Variants in NBAS observed in about 807,000 individuals in gnomAD.
NBAS encodes the protein NAG/BC035112 fusion.
NBAS carries 219 observed loss-of-function variants against 302.5 expected under a neutral mutation model. The ratio of observed to expected loss-of-function variants is 0.72; its 90% confidence interval spans 0.65 to 0.81. NBAS has a LOEUF of 0.81. Ranked by LOEUF, NBAS falls within the 30% of genes least tolerant of loss-of-function variation. The probability of loss-of-function intolerance (pLI) is 0.00; values close to 1 mark genes in which losing one functional copy is unlikely to be tolerated. For missense variants in NBAS, 2,932 were observed against 2,841.6 expected, an observed-to-expected ratio of 1.03 and a Z score of -0.72; for synonymous variants, 1,118 against 1,021.6, an observed-to-expected ratio of 1.09 and a Z score of -1.80.
chr2:14,830,777 G>A, the NBAS span, among the ~76,000 whole-genome samples: 5 of 152,158 alleles, frequency 3.3e-5, no homozygotes, highest in African/African-American at 7.2e-5. Context: ...CCTGCTTGTT[G>A]AGCAGAGCAA....
intron 42 of NBAS, among the ~76,000 whole-genome samples, chr2:15,283,189 T>C (rs548323350): frequency 7.2e-5 from 11 of 152,328 alleles, no homozygotes; most frequent in East Asian, 5.8e-4. Context: ...GTGGTACTAT[T>C]ATATCAGCCA....
chr2:14,885,104 GA>G, the NBAS span, among the ~76,000 whole-genome samples: 1 of 152,188 alleles, frequency 6.6e-6, no homozygotes, highest in Non-Finnish European at 1.5e-5. Flanking sequence ...GACTCTTAAA[GA>G]TGGAAATAAC....
intron 11 of NBAS, 133 bp downstream of exon 11, chr2:15,504,012 T>C: frequency 1.5e-5 from 11 of 737,224 alleles, no homozygotes; most frequent in Non-Finnish European, 2.0e-5. Flanking sequence ...CTAATGCATA[T>C]AGCCACATAG....
the NBAS span, among the ~76,000 whole-genome samples, chr2:15,093,051 C>T: frequency 3.9e-5 from 6 of 152,142 alleles, no homozygotes; most frequent in Admixed American, 2.0e-4. Flanking sequence ...CAAGGGCCTC[C>T]GTGAGCCTGC....
the NBAS span, among the ~76,000 whole-genome samples, chr2:14,898,107 G>A: frequency 6.6e-6 from 1 of 152,122 alleles, no homozygotes; most frequent in Non-Finnish European, 1.5e-5. Flanking sequence ...CCGCTAACTT[G>A]GACAATTTAA....
intron 32 of NBAS, among the ~76,000 whole-genome samples, chr2:15,357,719 C>A (rs754904939): frequency 1.3e-5 from 2 of 152,126 alleles, no homozygotes; most frequent in South Asian, 4.1e-4. Flanking sequence ...ATGAAAAATA[C>A]AATTTACAAT....
rs969265296 is a variant in NBAS at position 15,275,377 on chromosome 2, T to G, written c.5724+107A>C. 3.9e-6 allele frequency: 5 copies of G among 1,282,162 alleles called. No individual in the cohort carries two copies. The South Asian group carries it at 4.3e-5, about 11-fold the overall frequency. The allele number at this position is 1,282,162 out of a possible 1,614,324, so 79.4% of individuals were successfully genotyped here. Reference sequence around the variant, plus strand: ...ACAAAAACTTTTTAAAAAGCCAACATGTAATTATTTTCAAGAAAGGAAACA... The same window carrying G: ...ACAAAAACTTTTTAAAAAGCCAACAGGTAATTATTTTCAAGAAAGGAAACA... On this transcript the variant is annotated intron_variant, in intron 44 of 51. Transcript: ENST00000281513.
chr2:14,807,397 C>T, the NBAS span, among the ~76,000 whole-genome samples: 1 of 151,402 alleles, frequency 6.6e-6, no homozygotes, highest in South Asian at 2.1e-4. Flanking sequence ...TTATCCATAG[C>T]TCTTTATAGC....
At chr2:15,100,288 A>G in the NBAS span, among the ~76,000 whole-genome samples, 1 of 152,344 alleles carries the variant, frequency 6.6e-6, no homozygotes, top group South Asian at 2.1e-4. Context: ...GTTCTACAGG[A>G]TCACTGTAGA....
intron 42 of NBAS, among the ~76,000 whole-genome samples, chr2:15,277,870 A>T (rs1449543671): frequency 2.6e-5 from 4 of 152,198 alleles, no homozygotes; most frequent in African/African-American, 9.7e-5. Flanking sequence ...CTCCCTGGAC[A>T]GAATCTGGAC....
At chr2:15,035,561 T>G in the NBAS span, among the ~76,000 whole-genome samples, 122,230 of 152,100 alleles carry the variant, frequency 0.8, 49,649 homozygotes, top group East Asian at 1. Flanking sequence ...GCAGCACTAT[T>G]CACAATAGCC....
At chr2:14,842,147 A>C in the NBAS span, among the ~76,000 whole-genome samples, 7 of 151,940 alleles carry the variant, frequency 4.6e-5, no homozygotes, top group African/African-American at 1.7e-4. Context: ...ATTAAAATGG[A>C]AATACAACAT....
the NBAS span, among the ~76,000 whole-genome samples, chr2:14,883,474 C>G: frequency 6.6e-6 from 1 of 152,112 alleles, no homozygotes; most frequent in Non-Finnish European, 1.5e-5. Flanking sequence ...GTCGAAGGAG[C>G]TCTGAACTTG....
At chr2:14,809,030 G>A in the NBAS span, among the ~76,000 whole-genome samples, 5 of 152,192 alleles carry the variant, frequency 3.3e-5, no homozygotes, top group Non-Finnish European at 7.3e-5. Context: ...AGAGTATCTA[G>A]CAGAAGGAAT....
chr2:15,421,055 CAT>C lies in NBAS; in HGVS notation c.2577+3258_2577+3259del, dbSNP rs530013389. 8.0e-4 allele frequency among the ~76,000 whole-genome samples: 122 copies of C among 152,216 alleles called. 1 individual carries two copies. Among genetic ancestry groups the C allele is most frequent in the African/African-American group, 2.6e-3 (107 of 41,540 alleles). On this transcript the variant is annotated intron_variant, in intron 23 of 51. Transcript: ENST00000281513. ...GGCTCTCCCAGTACTTCAACAGACA[CAT>C]GTTTTTTTACCTTAATGCCTAGTAA... is the stretch of plus-strand genomic sequence containing the variant.
the NBAS span, among the ~76,000 whole-genome samples, chr2:14,821,776 G>A: frequency 4.7e-4 from 71 of 152,156 alleles, no homozygotes; most frequent in African/African-American, 1.6e-3. Context: ...ACTTTTGGAG[G>A]CCGAGGCAGG....
chr2:15,352,056 T>C lies in NBAS; in HGVS notation c.4115A>G (p.Gln1372Arg), dbSNP rs1391953142. ...ATTTTCCCCTCCTTCATGATGGATC[T>C]GGAAATTCACTCTTTGATAAAGAAT... ...TEILYQRVNF[Q>R]IHHEGGENIS... Residue 1372 changes from glutamine (Q) to arginine (R), a missense_variant, in exon 35 of 52, where the codon CAG becomes CGG. Physicochemically the swap from Gln to Arg is conservative, Grantham distance 43 (BLOSUM62 1). Coordinates refer to ENST00000281513, the MANE Select transcript of NBAS (RefSeq NM_015909.4). 1.2e-6 allele frequency: 2 copies of C among 1,610,866 alleles called. No individual in the cohort carries two copies. Among genetic ancestry groups the C allele is most frequent in the Admixed American group, 1.7e-5 (1 of 60,004 alleles).
At chr2:15,108,587 C>T in the NBAS span, among the ~76,000 whole-genome samples, 21 of 152,180 alleles carry the variant, frequency 1.4e-4, no homozygotes, top group African/African-American at 5.1e-4. Flanking sequence ...ATGAAGCAGC[C>T]CCAGAGAGGG....
At chr2:15,404,760 A>C (rs1040865789) in intron 25 of NBAS, among the ~76,000 whole-genome samples, 1 of 151,516 alleles carries the variant, frequency 6.6e-6, no homozygotes, top group African/African-American at 2.4e-5. Context: ...TGATTCACCC[A>C]CCTCAGGCTC....
Sources: gnomAD v4.1 joint callset for allele counts (sites outside exome capture counted in the v4.1 genomes callset) on GRCh38, gnomAD v4.1.1 for gene constraint, MANE v1.5 for transcripts, NCBI Gene and HGNC (gene_info 2026-07-23, HGNC 2026-07-21) for gene names.